The following TRIM9 variants were observed in gnomAD, a reference collection of about 807,000 sequenced individuals.
The protein encoded by TRIM9 is E3 ubiquitin-protein ligase TRIM9.
TRIM9 carries 26 observed loss-of-function variants against 78.3 expected under a neutral mutation model. That is an observed-to-expected ratio of 0.33 (90% CI 0.24 to 0.46). The LOEUF is 0.46. TRIM9 is among the 20% of genes least tolerant of loss of function. TRIM9 has a pLI of 1.00. For synonymous variants in TRIM9, 398 were observed against 416.5 expected (o/e 0.96, Z 0.54); for missense variants, 787 against 1,036.4 (o/e 0.76, Z 3.30).
chr14:51,014,424 T>C (rs1302809010), intron 3 of TRIM9, among the ~76,000 whole-genome samples: 1 of 152,208 alleles, frequency 6.6e-6, no homozygotes, highest in Admixed American at 6.5e-5. Flanking sequence ...TCACTCTCGC[T>C]ACAGTTGATT....
In TRIM9 at chr14:51,014,813, G is replaced by T. The variant is rs546863185; in HGVS notation, c.1042-4319C>A. On this transcript the variant is annotated intron_variant, in intron 3 of 12. Coordinates refer to ENST00000684578, the MANE Select transcript of TRIM9 (RefSeq NM_001387360.1). The stretch of plus-strand genomic sequence containing the variant: ...TGTTGTCTTTGAATGACACATTTCC[G>T]TGCTTTGGCTCTGATGTGCCAGAGA... Among the ~76,000 whole-genome samples, 4 of 152,040 alleles carry T rather than the reference G, an allele frequency of 2.6e-5. No individual in the cohort carries two copies. The South Asian group carries it at 8.3e-4, about 31-fold the overall frequency.
At chr14:51,083,826 C>A (rs1275959238) in intron 1 of TRIM9, among the ~76,000 whole-genome samples, 1 of 152,160 alleles carries the variant, frequency 6.6e-6, no homozygotes, top group Non-Finnish European at 1.5e-5. Context: ...TTTTGAAATA[C>A]ATTTTAACCA....
intron 10 of TRIM9, chr14:50,982,589 C>T: frequency 6.0e-6 from 2 of 335,770 alleles, no homozygotes; most frequent in South Asian, 5.7e-5. Flanking sequence ...TGAAGTCTTC[C>T]TCGGCTCTAG....
intron 7 of TRIM9, among the ~76,000 whole-genome samples, chr14:50,993,783 C>G (rs1485627172): frequency 2.0e-5 from 3 of 152,176 alleles, no homozygotes; most frequent in Admixed American, 6.5e-5. Flanking sequence ...GGGCAAATAG[C>G]ACTTTTCTAA....
chr14:50,981,170 G>A (rs1362199874), intron 11 of TRIM9, among the ~76,000 whole-genome samples: 1 of 152,116 alleles, frequency 6.6e-6, no homozygotes, highest in African/African-American at 2.4e-5. Context: ...CTATATTTTG[G>A]TGGTAGAAGA....
chr14:51,006,870 G>A (rs908823991), intron 5 of TRIM9, among the ~76,000 whole-genome samples: 1 of 152,116 alleles, frequency 6.6e-6, no homozygotes, highest in African/African-American at 2.4e-5. Context: ...TCTTACTTTT[G>A]TGCGCAGTCC....
chr14:51,078,773 A>C (rs1226432915), intron 1 of TRIM9, among the ~76,000 whole-genome samples: 1 of 152,202 alleles, frequency 6.6e-6, no homozygotes, highest in African/African-American at 2.4e-5. Flanking sequence ...TGTAAGTCCA[A>C]TAATTCAACG....
Position 51,009,125 on chromosome 14 carries a change from G to A in TRIM9, c.1261C>T (p.Pro421Ser), listed in dbSNP as rs148748514. The A allele has an allele frequency of 2.9e-5, 47 of 1,613,922 alleles. 1 individual carries two copies. The highest frequency in any genetic ancestry group is 3.8e-5 in the Non-Finnish European group (45 of 1,179,946). ...AGCTGGTGGATGGATTGCAGCAGAGGGCTGTTGTCCAGACTCAAGTCAAAG... is the reference window on the plus strand; with the variant it reads ...AGCTGGTGGATGGATTGCAGCAGAGAGCTGTTGTCCAGACTCAAGTCAAAG... The part of the protein sequence containing the change: ...TDFDLSLDNS[P>S]LLQSIHQLDF... Residue 421 changes from proline to serine, a missense_variant, in exon 5 of 13, where the codon CCT becomes TCT. Coordinates refer to ENST00000684578, the MANE Select transcript of TRIM9 (RefSeq NM_001387360.1).
At chr14:50,982,239 G>C in intron 10 of TRIM9, 136 bp from the exon 11 acceptor site, 1 of 910,548 alleles carries the variant, frequency 1.1e-6, no homozygotes. Context: ...CCAGGGCCAG[G>C]GCAGACAGGG....
chr14:50,979,185 C>A (rs1171118620), intron 12 of TRIM9: 2 of 1,443,288 alleles, frequency 1.4e-6, no homozygotes, highest in Non-Finnish European at 1.8e-6. Context: ...AGTCTGCGTC[C>A]AAGTATAAAG....
At position 50,979,513 on chromosome 14, in the gene TRIM9, C is replaced by T. The variant is rs149012975; in HGVS notation, c.2199G>A (p.Gly733=). The change falls in exon 12 of 13, where the codon GGG becomes GGA. Residue 733 remains glycine, a synonymous_variant. Coordinates refer to ENST00000684578, the MANE Select transcript of TRIM9 (RefSeq NM_001387360.1). ...TTTTTCTATTTAAGTCGAGGAGGACCCCAATTGTGGCCCCTTTTGTGATCC... is the reference window on the plus strand; with the variant it reads ...TTTTTCTATTTAAGTCGAGGAGGACTCCAATTGTGGCCCCTTTTGTGATCC... ...EGGITKGATI[G]VLLDLNRKNL... is the part of the protein sequence containing the mutation. The T allele has an allele frequency of 6.1e-5, 99 of 1,613,942 alleles. No individual in the cohort carries two copies. Among genetic ancestry groups the T allele is most frequent in the Non-Finnish European group, 7.9e-5 (93 of 1,180,014 alleles).
At chr14:50,996,412 C>T (rs928728961) in intron 7 of TRIM9, 25 of 985,362 alleles carry the variant, frequency 2.5e-5, no homozygotes, top group African/African-American at 2.1e-4. Flanking sequence ...CAGGATGAAA[C>T]GAGAGACATA....
intron 1 of TRIM9, among the ~76,000 whole-genome samples, chr14:51,030,737 T>TGGGGAGGCTCTTGGCTTTG (rs915299368): frequency 6.6e-6 from 1 of 152,008 alleles, no homozygotes. Context: ...CAGTGGAGTA[T>TGGGGAGGCTCTTGGCTTTG]GGGGAGGCTC....
At chr14:51,017,306 G>C (rs981671876) in intron 3 of TRIM9, among the ~76,000 whole-genome samples, 1 of 152,200 alleles carries the variant, frequency 6.6e-6, no homozygotes, top group Admixed American at 6.5e-5. Context: ...TCAAAGGCAA[G>C]TCTGAGGCTT....
intron 4 of TRIM9, among the ~76,000 whole-genome samples, chr14:51,009,692 C>T (rs190178322): frequency 6.6e-6 from 1 of 152,262 alleles, no homozygotes; most frequent in Non-Finnish European, 1.5e-5. Context: ...ACATTTTAAG[C>T]ACATCATCTT....
At chr14:51,048,498 G>A (rs1259042856) in intron 1 of TRIM9, among the ~76,000 whole-genome samples, 1 of 152,224 alleles carries the variant, frequency 6.6e-6, no homozygotes, top group Non-Finnish European at 1.5e-5. Flanking sequence ...GTGTCCTAGT[G>A]AAAGTCATTG....
In TRIM9 at chr14:51,054,958, T is replaced by C. The variant is rs151038689; in HGVS notation, c.823-29598A>G. Among the ~76,000 whole-genome samples, 259 of 152,152 alleles carry C rather than the reference T, an allele frequency of 1.7e-3. 1 individual carries two copies. The highest frequency in any genetic ancestry group is 6.2e-3 in the African/African-American group (256 of 41,494). ...GATTCTCCTGCCTCAGCCTCCTGAG[T>C]AGCTGGGACAACAAGCGCGCGCCAC... On this transcript the variant is annotated intron_variant, in intron 1 of 12. Coordinates refer to ENST00000684578, the MANE Select transcript of TRIM9 (RefSeq NM_001387360.1).
chr14:51,061,311 G>T (rs1182387363), intron 1 of TRIM9, among the ~76,000 whole-genome samples: 2 of 151,900 alleles, frequency 1.3e-5, no homozygotes, highest in African/African-American at 2.4e-5. Flanking sequence ...TACTCAGGAG[G>T]CTGAGGCAGG....
At chr14:51,091,885 A>C (rs969630978) in intron 1 of TRIM9, among the ~76,000 whole-genome samples, 92 of 152,316 alleles carry the variant, frequency 6.0e-4, no homozygotes, top group African/African-American at 2.0e-3. Flanking sequence ...CATAATTTCT[A>C]TTGCCAATAA....
Sources: gnomAD v4.1 joint callset for allele counts (sites outside exome capture counted in the v4.1 genomes callset) on GRCh38, gnomAD v4.1.1 for gene constraint, MANE v1.5 for transcripts, NCBI Gene and HGNC (gene_info 2026-07-23, HGNC 2026-07-21) for gene names.